Variants in MTA3 observed in about 807,000 individuals in gnomAD.
The protein encoded by MTA3 is metastasis associated 1 family member 3.
A neutral mutation model predicts 83.5 loss-of-function variants in MTA3; 34 were observed. That is an observed-to-expected ratio of 0.41 (90% confidence interval 0.31 to 0.54). MTA3 has a LOEUF of 0.54. Ranked by LOEUF, MTA3 falls within the 20% of genes least tolerant of loss-of-function variation. The pLI is 0.33. For missense variants in MTA3, 761 were observed against 726.4 expected, an observed-to-expected ratio of 1.05 and a Z score of -0.55; for synonymous variants, 303 against 252.7, an observed-to-expected ratio of 1.20 and a Z score of -1.89.
At chr2:42,629,807 C>T (rs1436547018) in intron 4 of MTA3, among the ~76,000 whole-genome samples, 1 of 151,770 alleles carries the variant, frequency 6.6e-6, no homozygotes, top group Non-Finnish European at 1.5e-5. Context: ...GAGGTGTAGT[C>T]TTGCTCTGTC....
intron 4 of MTA3, among the ~76,000 whole-genome samples, chr2:42,612,719 A>C (rs1185045731): frequency 2.0e-5 from 3 of 151,966 alleles, no homozygotes; most frequent in African/African-American, 7.3e-5. Context: ...AAATTAGCTG[A>C]GCATGGTGGC....
At chr2:42,580,384 T>A (rs1156862614) in intron 3 of MTA3, among the ~76,000 whole-genome samples, 1 of 151,966 alleles carries the variant, frequency 6.6e-6, no homozygotes, top group Admixed American at 6.6e-5. Flanking sequence ...TTTATTTATT[T>A]ATTTTGAGAT....
intron 2 of MTA3, among the ~76,000 whole-genome samples, chr2:42,577,105 A>AAAAAAAT (rs1211189566): frequency 1.4e-4 from 12 of 86,920 alleles, no homozygotes; most frequent in East Asian, 8.1e-4. Context: ...AAAAAAAAAA[A>AAAAAAAT]ATATATATAT....
intron 4 of MTA3, among the ~76,000 whole-genome samples, chr2:42,609,785 A>G (rs1683957306): frequency 6.6e-6 from 1 of 152,146 alleles, no homozygotes; most frequent in Non-Finnish European, 1.5e-5. Flanking sequence ...TAAAGTAACC[A>G]TTTTAACTTT....
chr2:42,502,466 A>G (rs937932962), intron 2 of MTA3, among the ~76,000 whole-genome samples: 1 of 152,168 alleles, frequency 6.6e-6, no homozygotes, highest in African/African-American at 2.4e-5. Context: ...ATAACATGCC[A>G]TGATTCTAAT....
intron 8 of MTA3, among the ~76,000 whole-genome samples, chr2:42,672,334 C>A (rs1448094754): frequency 3.4e-5 from 5 of 146,946 alleles, no homozygotes; most frequent in Non-Finnish European, 6.0e-5. Context: ...AGTAAGTCCT[C>A]CTCTCTATTA....
At position 42,667,621 on chromosome 2, in the gene MTA3, A is replaced by AAGAGAG. The variant is rs70963342; in HGVS notation, c.702+7790_702+7795dup. On this transcript the variant is annotated intron_variant, in intron 8 of 16. Coordinates refer to ENST00000405094, the MANE Select transcript of MTA3 (RefSeq NM_001330442.2). ...GTGTGTGTGTGTGTATAGAGAGAGA[A>AAGAGAG]AGAGAGAGAGAGAGAGAGAGAGAGA... Among the ~76,000 whole-genome samples the AAGAGAG allele has an allele frequency of 5.9e-3, 674 of 114,144 alleles. 6 individuals carry two copies. The highest frequency in any genetic ancestry group is 0.018 in the African/African-American group (549 of 30,786). The allele number at this position is 114,144 out of a possible 152,430, so 74.9% of individuals were successfully genotyped here.
chr2:42,690,696 T>G (rs62144295), intron 9 of MTA3, among the ~76,000 whole-genome samples: 2 of 118,948 alleles, frequency 1.7e-5, no homozygotes, highest in African/African-American at 7.1e-5. Flanking sequence ...TTTTTTTTTT[T>G]GGAGACAGAG....
At chr2:42,700,754 G>T (rs540610571) in intron 11 of MTA3, among the ~76,000 whole-genome samples, 2 of 152,120 alleles carry the variant, frequency 1.3e-5, no homozygotes, top group East Asian at 3.9e-4. Context: ...TTTTCACTTA[G>T]TATAGTGTCA....
At position 42,520,299 on chromosome 2, in the gene MTA3, C is replaced by T. The variant is rs1675360508; in HGVS notation, c.-141+25045C>T. 4.6e-5 allele frequency among the ~76,000 whole-genome samples: 7 copies of T among 152,236 alleles called. No homozygotes were observed. The South Asian group carries it at 1.5e-3, about 32-fold the overall frequency. On this transcript the variant is annotated intron_variant, in intron 2 of 17. Transcript: ENST00000405592. ...CGTTCTTTTCCAATTGTCCAGAGGA[C>T]CTCTCCACCTGAACATTCCACAGGC...
upstream of MTA3, among the ~76,000 whole-genome samples, chr2:42,494,303 C>T (rs1230211111): frequency 2.6e-5 from 4 of 152,140 alleles, no homozygotes. Context: ...CCTGGGCCAT[C>T]GGGATGAATT....
chr2:42,635,590 C>G (rs990061084), intron 4 of MTA3, among the ~76,000 whole-genome samples: 2 of 151,902 alleles, frequency 1.3e-5, no homozygotes, highest in African/African-American at 2.4e-5. Flanking sequence ...GATCACACCA[C>G]TTGCACTCCA....
chr2:42,606,523 G>T (rs1683437831), intron 3 of MTA3, among the ~76,000 whole-genome samples: 1 of 149,158 alleles, frequency 6.7e-6, no homozygotes, highest in Non-Finnish European at 1.5e-5. Context: ...AGATGTGATG[G>T]CGGCTGGGAA....
At chr2:42,529,448 C>T (rs1481415864) in intron 2 of MTA3, among the ~76,000 whole-genome samples, 2 of 152,182 alleles carry the variant, frequency 1.3e-5, no homozygotes, top group Non-Finnish European at 2.9e-5. Flanking sequence ...CATAAGACAA[C>T]CACCTACTGT....
intron 3 of MTA3, among the ~76,000 whole-genome samples, chr2:42,586,762 C>T (rs1352837149): frequency 3.3e-5 from 5 of 152,012 alleles, no homozygotes; most frequent in African/African-American, 9.7e-5. Flanking sequence ...TGGTGGCTAA[C>T]GCCTGTAATC....
At position 42,655,590 on chromosome 2, in the gene MTA3, T is replaced by C. The variant is rs796142915; in HGVS notation, c.500-610T>C. Among the ~76,000 whole-genome samples the C allele has an allele frequency of 2.6e-5, 4 of 152,298 alleles. 1 individual carries two copies. Among genetic ancestry groups the C allele is most frequent in the African/African-American group, 9.6e-5 (4 of 41,582 alleles). On this transcript the variant is annotated intron_variant, in intron 6 of 16. Transcript: ENST00000405094. ...GTATTTATGCATAGTTTAAACATCTTGTGGAAGTGATGCTTTCTTTCTTTT... is the reference window on the plus strand; with the variant it reads ...GTATTTATGCATAGTTTAAACATCTCGTGGAAGTGATGCTTTCTTTCTTTT...
At chr2:42,724,042 C>A (rs529139843) in intron 16 of MTA3, among the ~76,000 whole-genome samples, 1 of 152,208 alleles carries the variant, frequency 6.6e-6, no homozygotes, top group African/African-American at 2.4e-5. Flanking sequence ...TACAGAAACA[C>A]TTCCTTTCTA....
chr2:42,612,098 A>C (rs563676299), intron 4 of MTA3, among the ~76,000 whole-genome samples: 3 of 152,332 alleles, frequency 2.0e-5, no homozygotes, highest in Non-Finnish European at 4.4e-5. Context: ...TCGACCAATA[A>C]TGCTTTTTCA....
intron 3 of MTA3, among the ~76,000 whole-genome samples, chr2:42,587,001 G>T (rs1036461327): frequency 2.7e-5 from 4 of 150,936 alleles, no homozygotes; most frequent in Non-Finnish European, 5.9e-5. Flanking sequence ...CCAGCCTGGT[G>T]ACAGAGTGAG....
Sources: gnomAD v4.1 joint callset for allele counts (sites outside exome capture counted in the v4.1 genomes callset) on GRCh38, gnomAD v4.1.1 for gene constraint, MANE v1.5 for transcripts, NCBI Gene and HGNC (gene_info 2026-07-23, HGNC 2026-07-21) for gene names.